Variants in NUP107 observed in about 807,000 individuals in gnomAD.
The protein encoded by NUP107 is nucleoporin 107, also known as nuclear pore complex protein Nup107.
Under a neutral mutation model 141.0 loss-of-function variants are expected in NUP107, and 101 were observed. The observed-to-expected ratio is 0.72, with a 90% CI of 0.61 to 0.84. NUP107 has a LOEUF of 0.84. Among genes scored for constraint, NUP107 ranks in the 40% least tolerant of loss-of-function variants. NUP107 has a pLI of 0.00. For synonymous variants in NUP107, 319 were observed against 363.9 expected, an observed-to-expected ratio of 0.88 and a Z score of 1.41; for missense variants, 941 against 1,102.7, an observed-to-expected ratio of 0.85 and a Z score of 2.08.
intron 10 of NUP107, among the ~76,000 whole-genome samples, chr12:68,711,467 C>G (rs528876121): frequency 6.6e-6 from 1 of 150,794 alleles, no homozygotes; most frequent in African/African-American, 2.4e-5. Flanking sequence ...ACCTGGGAGG[C>G]AGAGCTTGCA....
intron 14 of NUP107, 78 bp downstream of exon 14, chr12:68,719,732 T>C (rs1877276193): frequency 9.9e-7 from 1 of 1,014,274 alleles, no homozygotes; most frequent in South Asian, 1.3e-5. Context: ...TGTGAAACAT[T>C]GAAAGTAGTG....
chr12:68,742,222 A>G (rs1302693215), intron 27 of NUP107, 133 bp from the exon 28 acceptor site: 1 of 639,976 alleles, frequency 1.6e-6, no homozygotes, highest in Non-Finnish European at 2.6e-6. Context: ...ACTCTAATTT[A>G]CTAGGCTCTG....
intron 8 of NUP107, chr12:68,706,817 G>A (rs1169106950): frequency 1.8e-5 from 14 of 758,338 alleles, no homozygotes; most frequent in African/African-American, 8.5e-5. Context: ...GGAGGATGAG[G>A]AGAGCCAGCT....
At chr12:68,696,341 G>A (rs1460558339) in intron 5 of NUP107, among the ~76,000 whole-genome samples, 3 of 151,590 alleles carry the variant, frequency 2.0e-5, no homozygotes, top group Non-Finnish European at 4.4e-5. Flanking sequence ...CTCCAGCCTG[G>A]GTGACAGAGT....
intron 8 of NUP107, among the ~76,000 whole-genome samples, chr12:68,708,577 G>C (rs1399481690): frequency 6.6e-6 from 1 of 150,938 alleles, no homozygotes; most frequent in African/African-American, 2.4e-5. Context: ...TAAATGTTTA[G>C]TTTCTAACAT....
chr12:68,735,704 A>G (rs1338375947), intron 26 of NUP107, among the ~76,000 whole-genome samples: 2 of 152,226 alleles, frequency 1.3e-5, no homozygotes, highest in Admixed American at 1.3e-4. Context: ...TGGGCTGTCC[A>G]TTTTAATGAC....
chr12:68,717,680 C>T (rs184226917), intron 12 of NUP107, among the ~76,000 whole-genome samples: 2 of 152,248 alleles, frequency 1.3e-5, no homozygotes, highest in East Asian at 3.9e-4. Flanking sequence ...TCTCTTCTTC[C>T]CTCAGCCCCT....
intron 20 of NUP107, among the ~76,000 whole-genome samples, chr12:68,727,864 CTAAGT>C (rs1393707420): frequency 6.6e-6 from 1 of 152,090 alleles, no homozygotes; most frequent in African/African-American, 2.4e-5. Flanking sequence ...ACTGTATTTT[CTAAGT>C]TGAGTTGAAA....
intron 8 of NUP107, among the ~76,000 whole-genome samples, chr12:68,704,069 G>A (rs541398912): frequency 2.0e-5 from 3 of 151,950 alleles, no homozygotes; most frequent in African/African-American, 4.8e-5. Flanking sequence ...GTGAGATCCC[G>A]TTTCTAAAAA....
intron 22 of NUP107, 29 bp from the exon 23 acceptor site, chr12:68,732,607 CT>C: frequency 7.1e-7 from 1 of 1,414,354 alleles, no homozygotes; most frequent in Non-Finnish European, 9.7e-7. Context: ...TCTGATATTC[CT>C]TTTTCTTTTT....
At position 68,743,804 on chromosome 12, in the gene NUP107, A is replaced by G. The variant is rs1358690670; in HGVS notation, c.*1342A>G. On this transcript the variant is annotated 3_prime_UTR_variant, in exon 28 of 28. Transcript: ENST00000229179. The stretch of plus-strand genomic sequence containing the variant: ...GGGATCATAGAATTTGATCAGTTCT[A>G]TATTATGTGCTTTTTTTGTTTTATT... 1 of 152,176 alleles carries G rather than the reference A, an allele frequency of 6.6e-6. No homozygotes were observed. Among genetic ancestry groups the G allele is most frequent in the Non-Finnish European group, 1.5e-5 (1 of 68,020 alleles). The allele number at this position is 152,176 out of a possible 1,614,324, so 9.4% of individuals were successfully genotyped here.
chr12:68,717,897 T>G (rs1877181513), intron 12 of NUP107, among the ~76,000 whole-genome samples: 1 of 152,234 alleles, frequency 6.6e-6, no homozygotes, highest in Non-Finnish European at 1.5e-5. Context: ...AAGTTCAGAA[T>G]GATGTTAGGG....
rs759882283 is a variant in NUP107 at position 68,731,132 on chromosome 12, C to A, written c.1757C>A (p.Thr586Lys). 1 of 1,592,718 alleles carries A rather than the reference C, an allele frequency of 6.3e-7. No individual in the cohort carries two copies. The highest frequency in any genetic ancestry group is 1.8e-5 in the Admixed American group (1 of 55,162). Reference protein sequence around the residue: ...YIQLLIREKHTNLIAFYTCHL... With the variant: ...YIQLLIREKHKNLIAFYTCHL... ...TAGCTTTTAATAAGAGAGAAACATA[C>A]AAATCTTATAGCATTTTATACCTGT... The change falls in exon 21 of 28, where the codon ACA (threonine) becomes AAA (lysine). Residue 586 changes from threonine to lysine, a missense_variant. Physicochemically the swap from Thr to Lys is moderately conservative, Grantham distance 78. Transcript: ENST00000229179.
chr12:68,731,700 T>C lies in NUP107; in HGVS notation c.1979T>C (p.Leu660Pro). The stretch of plus-strand genomic sequence containing the variant: ...AGTCATCATGACCTGGCCCCAGCCC[T>C]AGATACTGGCACTACTGAGGTAATT... ...EFSHHDLAPA[L>P]DTGTTEEDRL... The change falls in exon 22 of 28, where the codon CTA becomes CCA. Residue 660 changes from leucine to proline, a missense_variant. Physicochemically the swap from Leu to Pro is moderately conservative, Grantham distance 98. Transcript: ENST00000229179. 1 of 1,565,356 alleles carries C rather than the reference T, an allele frequency of 6.4e-7. No homozygotes were observed. Among genetic ancestry groups the C allele is most frequent in the Non-Finnish European group, 8.6e-7 (1 of 1,161,234 alleles).
chr12:68,700,726 G>A lies in NUP107; in HGVS notation c.553G>A (p.Val185Met). Residue 185 changes from valine to methionine, a missense_variant and splice_region_variant, in exon 7 of 28, where the codon GTG (valine) becomes ATG (methionine). Coordinates refer to ENST00000229179, the MANE Select transcript of NUP107 (RefSeq NM_020401.4). The part of the protein sequence containing the change: ...EEYENICGSQ[V>M]NILSKIVSRA... ...CTTTACATCTGTGTTTTTTATTCAG[G>A]TGAATATACTGAGTAAAATAGTGAG... The A allele has an allele frequency of 1.9e-6, 3 of 1,590,334 alleles. No individual in the cohort carries two copies. The South Asian group carries it at 3.5e-5, about 18-fold the overall frequency.
intron 8 of NUP107, chr12:68,706,661 G>T (rs1876597314): frequency 2.8e-6 from 2 of 725,774 alleles, no homozygotes; most frequent in Admixed American, 3.5e-5. Flanking sequence ...ATGGGGAGCT[G>T]GCAGTTAAGG....
Position 68,713,810 on chromosome 12 carries a change from TAAA to T in NUP107, c.969+3_969+5del. Reference sequence around the variant, plus strand: ...GTTCGTCCGCTTGTCACTGAATTGGTAAATGTTCTTTGAAATGAAAGTTGCCTT... The same window carrying T: ...GTTCGTCCGCTTGTCACTGAATTGGTTGTTCTTTGAAATGAAAGTTGCCTT... On this transcript the variant is annotated splice_donor_5th_base_variant and intron_variant, in intron 11 of 27. Transcript: ENST00000229179. 6.3e-7 allele frequency: 1 copy of T among 1,598,858 alleles called. No individual in the cohort carries two copies. Among genetic ancestry groups the T allele is most frequent in the Non-Finnish European group, 8.5e-7 (1 of 1,175,218 alleles).
intron 20 of NUP107, 148 bp from the exon 21 acceptor site, chr12:68,730,962 T>G (rs1877796479): frequency 2.0e-6 from 1 of 495,398 alleles, no homozygotes; most frequent in Non-Finnish European, 3.4e-6. Context: ...AGTGAGACCC[T>G]GTCTCAAACA....
chr12:68,709,952 A>T, intron 9 of NUP107, 53 bp from the exon 10 acceptor site: 3 of 1,063,088 alleles, frequency 2.8e-6, no homozygotes, highest in South Asian at 2.6e-5. Context: ...TACAAATAAA[A>T]CACAAATAGA....
Sources: gnomAD v4.1 joint callset for allele counts (sites outside exome capture counted in the v4.1 genomes callset) on GRCh38, gnomAD v4.1.1 for gene constraint, MANE v1.5 for transcripts, NCBI Gene and HGNC (gene_info 2026-07-23, HGNC 2026-07-21) for gene names.